KAZN: variants seen among roughly 807,000 people sequenced by gnomAD.
KAZN encodes the protein kazrin, periplakin interacting protein.
Under a neutral mutation model 87.4 loss-of-function variants are expected in KAZN, and 40 were observed. The ratio of observed to expected loss-of-function variants is 0.46; its 90% CI spans 0.36 to 0.60. The LOEUF is 0.60. Ranked by LOEUF, KAZN falls within the 20% of genes least tolerant of loss-of-function variation. The pLI is 0.00. For missense variants in KAZN, 898 were observed against 1,073.9 expected, an observed-to-expected ratio of 0.84 and a Z score of 2.29; for synonymous variants, 466 against 458.3, an observed-to-expected ratio of 1.02 and a Z score of -0.22.
At chr1:14,594,481 T>C (rs1572006011), upstream of KAZN, among the ~76,000 whole-genome samples, 3 of 152,212 alleles carry the variant, frequency 2.0e-5, no homozygotes, top group Admixed American at 2.0e-4. Flanking sequence ...AGCCGAGGCC[T>C]GGACCTTGGA....
chr1:14,491,503 C>T (rs1283258600), intron 2 of KAZN, among the ~76,000 whole-genome samples: 1 of 152,124 alleles, frequency 6.6e-6, no homozygotes, highest in Non-Finnish European at 1.5e-5. Context: ...CTCCCTGTGT[C>T]CATGTTACTC....
chr1:15,041,796 C>A (rs185016697), intron 3 of KAZN, among the ~76,000 whole-genome samples: 24 of 152,158 alleles, frequency 1.6e-4, no homozygotes, highest in African/African-American at 5.5e-4. Context: ...ACCTCTCAGG[C>A]GTCTCCTTTC....
rs182267493 is a variant in KAZN at position 14,355,677 on chromosome 1, G to A, written c.249+175085G>A. On this transcript the variant is annotated intron_variant, in intron 2 of 16. Coordinates refer to the KAZN transcript ENST00000636203. The stretch of plus-strand genomic sequence containing the variant: ...CTCGCACTTATGAGTGAGAACATGC[G>A]GTGTTTGGTTTTCTGTTCTTGTGTT... 3.3e-3 allele frequency among the ~76,000 whole-genome samples: 507 copies of A among 152,162 alleles called. 5 individuals carry two copies. Among genetic ancestry groups the A allele is most frequent in the Non-Finnish European group, 5.7e-3 (388 of 68,016 alleles).
At position 13,898,302 on chromosome 1, in the gene KAZN, G is replaced by A. The variant is rs1161875944; in HGVS notation, c.91+4546G>A. Among the ~76,000 whole-genome samples the A allele has an allele frequency of 3.3e-4, 51 of 152,294 alleles. 1 individual carries two copies. The highest frequency in any genetic ancestry group is 3.0e-3 in the Admixed American group (46 of 15,300). ...ACCCCCTGACCTGGCATTTGGCTGCGTCTCTGCAGAGGGCTGTTGCCCCAT... is the reference window on the plus strand; with the variant it reads ...ACCCCCTGACCTGGCATTTGGCTGCATCTCTGCAGAGGGCTGTTGCCCCAT... On this transcript the variant is annotated intron_variant, in intron 1 of 16. Coordinates refer to the KAZN transcript ENST00000636203.
intron 2 of KAZN, among the ~76,000 whole-genome samples, chr1:14,363,793 A>T (rs1383159010): frequency 6.6e-6 from 1 of 152,184 alleles, no homozygotes; most frequent in African/African-American, 2.4e-5. Context: ...TTTACAGAAG[A>T]AGTTTGTTAC....
chr1:14,299,226 A>G (rs965859996), intron 2 of KAZN, among the ~76,000 whole-genome samples: 11 of 152,150 alleles, frequency 7.2e-5, no homozygotes, highest in Admixed American at 5.2e-4. Flanking sequence ...CATTAGGCCA[A>G]GTGTGGTGGT....
chr1:14,114,054 G>A (rs1644556843), intron 1 of KAZN, among the ~76,000 whole-genome samples: 1 of 152,234 alleles, frequency 6.6e-6, no homozygotes, highest in Non-Finnish European at 1.5e-5. Context: ...AGCTCAATGA[G>A]TCCTCCAAGG....
At chr1:15,047,685 C>T (rs565782804) in intron 4 of KAZN, among the ~76,000 whole-genome samples, 3 of 152,216 alleles carry the variant, frequency 2.0e-5, no homozygotes, top group South Asian at 2.1e-4. Context: ...GCAGGACAAT[C>T]GCTTGAACCC....
intron 1 of KAZN, among the ~76,000 whole-genome samples, chr1:14,696,931 G>A (rs1436291724): frequency 6.6e-6 from 1 of 152,008 alleles, no homozygotes; most frequent in African/African-American, 2.4e-5. Context: ...CAACAGGCGG[G>A]GGTCCTTGAG....
At chr1:14,498,738 G>A (rs942644719) in intron 2 of KAZN, among the ~76,000 whole-genome samples, 2 of 151,930 alleles carry the variant, frequency 1.3e-5, no homozygotes, top group African/African-American at 4.8e-5. Context: ...AATGGAGAGT[G>A]GAGGGTGGGA....
chr1:14,014,914 T>C (rs2101212364), intron 1 of KAZN, among the ~76,000 whole-genome samples: 1 of 152,342 alleles, frequency 6.6e-6, no homozygotes, highest in South Asian at 2.1e-4. Context: ...GCCTCAATGA[T>C]ACTAATATTC....
intron 1 of KAZN, among the ~76,000 whole-genome samples, chr1:13,943,624 C>T (rs928154846): frequency 4.0e-5 from 6 of 151,710 alleles, no homozygotes; most frequent in Admixed American, 3.3e-4. Context: ...GAAACATGAT[C>T]CCAGAAGGAA....
At chr1:14,174,009 T>C (rs925762287) in intron 1 of KAZN, among the ~76,000 whole-genome samples, 1 of 152,222 alleles carries the variant, frequency 6.6e-6, no homozygotes, top group Non-Finnish European at 1.5e-5. Context: ...ATTTGGTCTG[T>C]ACATAGAAAC....
intron 1 of KAZN, among the ~76,000 whole-genome samples, chr1:14,136,339 A>G (rs1645109548): frequency 6.6e-6 from 1 of 152,114 alleles, no homozygotes; most frequent in Non-Finnish European, 1.5e-5. Flanking sequence ...CCCCCCTGTG[A>G]AGTAGGAAAG....
intron 2 of KAZN, among the ~76,000 whole-genome samples, chr1:14,469,685 T>C (rs1193705533): frequency 6.6e-6 from 1 of 152,184 alleles, no homozygotes; most frequent in African/African-American, 2.4e-5. Flanking sequence ...AGATGGTAGG[T>C]ATATTTTCCC....
At chr1:14,469,867 G>T (rs963037138) in intron 2 of KAZN, among the ~76,000 whole-genome samples, 8 of 152,252 alleles carry the variant, frequency 5.3e-5, no homozygotes, top group Admixed American at 3.9e-4. Context: ...CACTTGCCAG[G>T]TTAGCTCTTC....
At chr1:14,831,119 C>T (rs1236030789) in intron 1 of KAZN, among the ~76,000 whole-genome samples, 1 of 152,228 alleles carries the variant, frequency 6.6e-6, no homozygotes, top group Non-Finnish European at 1.5e-5. Context: ...CTTGGCCTCC[C>T]AAAGTGCTGG....
intron 4 of KAZN, among the ~76,000 whole-genome samples, chr1:15,050,525 G>C (rs373252723): frequency 1.3e-5 from 2 of 152,208 alleles, no homozygotes; most frequent in East Asian, 1.9e-4. Flanking sequence ...GGAGAAGCAG[G>C]AGGGCTTGGC....
intron 2 of KAZN, among the ~76,000 whole-genome samples, chr1:14,583,232 C>A (rs1325750866): frequency 6.6e-6 from 1 of 152,212 alleles, no homozygotes; most frequent in African/African-American, 2.4e-5. Context: ...GTTCCAGAGG[C>A]AAGTCTGCAG....
Sources: allele counts gnomAD v4.1 joint callset (sites outside exome capture counted in the v4.1 genomes callset), GRCh38; gene constraint gnomAD v4.1.1; transcripts MANE v1.5; gene names NCBI Gene and HGNC (gene_info 2026-07-23, HGNC 2026-07-21).